Variants in FIGN observed in about 807,000 individuals in gnomAD.
FIGN encodes the protein fidgetin.
FIGN carries 11 observed loss-of-function variants against 51.3 expected under a neutral mutation model. That is an observed-to-expected ratio of 0.21 (90% CI 0.13 to 0.35). The LOEUF (loss-of-function observed/expected upper bound fraction) is 0.35. FIGN is among the 10% of genes least tolerant of loss of function. FIGN has a pLI of 1.00. For synonymous variants in FIGN, 407 were observed against 363.2 expected, an observed-to-expected ratio of 1.12 and a Z score of -1.37; for missense variants, 857 against 943.6, an observed-to-expected ratio of 0.91 and a Z score of 1.20.
At chr2:163,704,652 TCTCTCACACA>T (rs1180152210) in intron 2 of FIGN, among the ~76,000 whole-genome samples, 4 of 132,916 alleles carry the variant, frequency 3.0e-5, no homozygotes, top group South Asian at 2.5e-4. Context: ...TCTCTCTCTC[TCTCTCACACA>T]CACACACACA....
At chr2:163,612,885 G>A (rs1203379168) in intron 2 of FIGN, among the ~76,000 whole-genome samples, 1 of 151,762 alleles carries the variant, frequency 6.6e-6, no homozygotes, top group Non-Finnish European at 1.5e-5. Flanking sequence ...AGGAAACCAC[G>A]TAGGGCATAC....
chr2:163,685,245 A>ATAT (rs781142015), intron 2 of FIGN, among the ~76,000 whole-genome samples: 6 of 152,156 alleles, frequency 3.9e-5, no homozygotes, highest in Non-Finnish European at 7.4e-5. Flanking sequence ...AGAATCAGAA[A>ATAT]TATTTTTCAA....
intron 2 of FIGN, among the ~76,000 whole-genome samples, chr2:163,682,468 A>T (rs1341609108): frequency 6.6e-6 from 1 of 152,244 alleles, no homozygotes; most frequent in Non-Finnish European, 1.5e-5. Context: ...AAAGTCATGC[A>T]CTTCAAGGAA....
At chr2:163,714,744 C>G (rs1684642785) in intron 2 of FIGN, among the ~76,000 whole-genome samples, 1 of 152,220 alleles carries the variant, frequency 6.6e-6, no homozygotes, top group Non-Finnish European at 1.5e-5. Flanking sequence ...CAAAATTTAT[C>G]TCACCTAAAG....
At chr2:163,719,458 T>G (rs1244845550) in intron 2 of FIGN, among the ~76,000 whole-genome samples, 2 of 152,150 alleles carry the variant, frequency 1.3e-5, no homozygotes, top group Non-Finnish European at 2.9e-5. Flanking sequence ...CCCAACCAAC[T>G]GACTTCCCAT....
chr2:163,678,100 C>T (rs540428071), intron 2 of FIGN, among the ~76,000 whole-genome samples: 1 of 152,366 alleles, frequency 6.6e-6, no homozygotes, highest in South Asian at 2.1e-4. Context: ...TACCAATACA[C>T]TATTGTCAAC....
At chr2:163,672,131 T>G (rs1683886325) in intron 2 of FIGN, among the ~76,000 whole-genome samples, 1 of 152,152 alleles carries the variant, frequency 6.6e-6, no homozygotes, top group Admixed American at 6.6e-5. Flanking sequence ...ATCTATTGTG[T>G]TAGTTCCCAG....
At chr2:163,650,258 G>C (rs1683450327) in intron 2 of FIGN, among the ~76,000 whole-genome samples, 2 of 151,678 alleles carry the variant, frequency 1.3e-5, no homozygotes, top group Non-Finnish European at 2.9e-5. Flanking sequence ...GGGACCTATA[G>C]AGCTTACTAG....
intron 2 of FIGN, among the ~76,000 whole-genome samples, chr2:163,664,212 AC>A (rs1325479548): frequency 6.6e-6 from 1 of 151,828 alleles, no homozygotes; most frequent in Non-Finnish European, 1.5e-5. Context: ...AGTCCCTCCT[AC>A]CCCCCTTTAA....
chr2:163,722,067 A>C (rs1573972632), intron 2 of FIGN, among the ~76,000 whole-genome samples: 1 of 152,206 alleles, frequency 6.6e-6, no homozygotes, highest in East Asian at 1.9e-4. Flanking sequence ...TGACCCTTCC[A>C]CGAGCACACA....
chr2:163,688,406 A>T (rs1363531325), intron 2 of FIGN, among the ~76,000 whole-genome samples: 1 of 152,236 alleles, frequency 6.6e-6, no homozygotes, highest in Non-Finnish European at 1.5e-5. Context: ...TTAGAAGTGA[A>T]GGAGATCAGC....
At chr2:163,692,651 A>C (rs1434153486) in intron 2 of FIGN, among the ~76,000 whole-genome samples, 2 of 152,230 alleles carry the variant, frequency 1.3e-5, no homozygotes, top group Non-Finnish European at 2.9e-5. Flanking sequence ...ACTTCTATTA[A>C]TGTTAAGTCC....
intron 2 of FIGN, among the ~76,000 whole-genome samples, chr2:163,705,581 A>G (rs1232169626): frequency 1.3e-5 from 2 of 152,038 alleles, no homozygotes; most frequent in South Asian, 2.1e-4. Flanking sequence ...GAGACTTCCA[A>G]AAAACATCTA....
At chr2:163,677,955 C>A (rs1456866802) in intron 2 of FIGN, among the ~76,000 whole-genome samples, 2 of 152,114 alleles carry the variant, frequency 1.3e-5, no homozygotes, top group Non-Finnish European at 2.9e-5. Flanking sequence ...GGAGAGTGAC[C>A]TTTTAAGAAT....
chr2:163,689,996 T>C (rs6746902), intron 2 of FIGN, among the ~76,000 whole-genome samples: 151,918 of 152,278 alleles, frequency 1, 75,788 homozygotes, highest in Middle Eastern at 1. Context: ...AAGATGTCCT[T>C]GTTTTGGGTG....
At position 163,720,559 on chromosome 2, in the gene FIGN, A is replaced by G. The variant is rs538266236; in HGVS notation, c.25+14344T>C. Among the ~76,000 whole-genome samples, 29 of 152,308 alleles carry G rather than the reference A, an allele frequency of 1.9e-4. 2 individuals are homozygous for G. The South Asian group carries it at 5.6e-3, about 29-fold the overall frequency. On this transcript the variant is annotated intron_variant, in intron 2 of 2. Transcript: ENST00000333129. Reference sequence around the variant, plus strand: ...TTTTAATTAATTTCTCATAAATCTTATTTACTGACACTTCAACTGAATATC... The same window carrying G: ...TTTTAATTAATTTCTCATAAATCTTGTTTACTGACACTTCAACTGAATATC...
rs150197861 is a variant in FIGN at position 163,620,910 on chromosome 2, A to C, written c.26-9104T>G. ...TTTCAACTATCTAAATGCAAAGCCC[A>C]ATTTAGTTATATTTAAACTGAACTC... is the stretch of plus-strand genomic sequence containing the variant. On this transcript the variant is annotated intron_variant, in intron 2 of 2. Coordinates refer to ENST00000333129, the MANE Select transcript of FIGN (RefSeq NM_018086.4). Among the ~76,000 whole-genome samples the C allele has an allele frequency of 7.6e-3, 1,132 of 149,606 alleles. 7 individuals carry two copies. Among genetic ancestry groups the C allele is most frequent in the Non-Finnish European group, 0.012 (817 of 67,498 alleles).
chr2:163,627,688 C>T (rs1353477756), intron 2 of FIGN, among the ~76,000 whole-genome samples: 2 of 152,052 alleles, frequency 1.3e-5, no homozygotes, highest in Non-Finnish European at 2.9e-5. Flanking sequence ...CATTCTTACC[C>T]GTTACCAGTT....
At chr2:163,622,422 A>G (rs1415745934) in intron 2 of FIGN, among the ~76,000 whole-genome samples, 2 of 152,128 alleles carry the variant, frequency 1.3e-5, no homozygotes, top group Non-Finnish European at 2.9e-5. Context: ...GATGGTCTAA[A>G]CTATTGTAAA....
Sources: allele counts gnomAD v4.1 joint callset (sites outside exome capture counted in the v4.1 genomes callset), GRCh38; gene constraint gnomAD v4.1.1; transcripts MANE v1.5; gene names NCBI Gene and HGNC (gene_info 2026-07-23, HGNC 2026-07-21).